Variants in COQ7 observed in about 807,000 individuals in gnomAD.
COQ7 encodes the protein coenzyme Q7, hydroxylase, also known as NADPH-dependent 3-demethoxyubiquinone 3-hydroxylase, mitochondrial.
COQ7 carries 21 observed loss-of-function variants against 25.0 expected under a neutral mutation model. The observed-to-expected ratio is 0.84, with a 90% CI of 0.60 to 1.21. The LOEUF (loss-of-function observed/expected upper bound fraction) is 1.21. Among genes scored for constraint, COQ7 ranks in the 50% most tolerant of loss-of-function variants. The probability of loss-of-function intolerance (pLI) is 0.00; values close to 1 mark genes in which losing one functional copy is unlikely to be tolerated. For synonymous variants in COQ7, 125 were observed against 112.4 expected, an observed-to-expected ratio of 1.11 and a Z score of -0.71; for missense variants, 311 against 296.2, an observed-to-expected ratio of 1.05 and a Z score of -0.37.
intron 3 of COQ7, among the ~76,000 whole-genome samples, chr16:19,074,750 C>T (rs1454815342): frequency 6.6e-6 from 1 of 152,086 alleles, no homozygotes; most frequent in Non-Finnish European, 1.5e-5. Context: ...CGTTATGTTA[C>T]CTAGGCTGGT....
chr16:19,074,929 T>C (rs1468387359), intron 3 of COQ7, among the ~76,000 whole-genome samples: 1 of 152,208 alleles, frequency 6.6e-6, no homozygotes, highest in Non-Finnish European at 1.5e-5. Context: ...AGCCAAATAC[T>C]GTTCCCTGAC....
At chr16:19,071,400 T>C (rs1331399087) in intron 1 of COQ7, among the ~76,000 whole-genome samples, 1 of 152,226 alleles carries the variant, frequency 6.6e-6, no homozygotes, top group East Asian at 1.9e-4. Flanking sequence ...CTTCCCAAAG[T>C]GTTAGGATTA....
intron 1 of COQ7, chr16:19,068,424 G>A: frequency 2.0e-6 from 2 of 984,948 alleles, no homozygotes; most frequent in Non-Finnish European, 1.2e-6. Context: ...GGCCGAGGCT[G>A]GAGGATCCCC....
rs11074359 is a variant in COQ7, at chr16:19,073,976, C to A, written c.308C>A (p.Thr103Lys). The change falls in exon 3 of 6, where the codon ACG (threonine) becomes AAG (lysine). Residue 103 changes from threonine to lysine, a missense_variant. Coordinates refer to ENST00000321998, the MANE Select transcript of COQ7 (RefSeq NM_016138.5). ...HLKKFNELMVTFRVRPTVLMP... is the reference protein window; with the variant it reads ...HLKKFNELMVKFRVRPTVLMP... Reference sequence around the variant, plus strand: ...AAAAAGTTCAATGAGTTGATGGTTACGTTCAGGGTCCGGCCAACAGTTCTG... The same window carrying A: ...AAAAAGTTCAATGAGTTGATGGTTAAGTTCAGGGTCCGGCCAACAGTTCTG... 6.2e-7 allele frequency: 1 copy of A among 1,612,998 alleles called. No homozygotes were observed. Among genetic ancestry groups the A allele is most frequent in the East Asian group, 2.2e-5 (1 of 44,846 alleles).
chr16:19,078,285 T>G lies in COQ7; in HGVS notation c.*127T>G. ...TGAATTTTGTTAATAAATTATAAGG[T>G]TTGTTTTTTTTTTTTTAAACTCTGC... On this transcript the variant is annotated 3_prime_UTR_variant, in exon 6 of 6. Transcript: ENST00000321998. The G allele has an allele frequency of 1.4e-6, 1 of 733,076 alleles. No homozygotes were observed. The highest frequency in any genetic ancestry group is 2.0e-6 in the Non-Finnish European group (1 of 500,804). 45.4% of individuals were successfully genotyped at this position (733,076 alleles called of 1,614,324 possible). A position where few individuals can be genotyped will look rare whatever the true frequency, so the allele number is the denominator to read the frequency against.
chr16:19,072,372 A>G lies in COQ7; in HGVS notation c.252+266A>G, dbSNP rs1293108547. The G allele has an allele frequency of 6.4e-6, 3 of 471,132 alleles. No individual in the cohort carries two copies. In the Admixed American group the frequency reaches 1.1e-4, roughly 17 times the overall value. 29.2% of individuals were successfully genotyped at this position (471,132 alleles called of 1,614,324 possible). ...CATGGCGGGGGCAGGCAGTAATGAAAAAAGGTTAAGAATCGCTCAGCACAG... is the reference window on the plus strand; with the variant it reads ...CATGGCGGGGGCAGGCAGTAATGAAGAAAGGTTAAGAATCGCTCAGCACAG... On this transcript the variant is annotated intron_variant, in intron 2 of 5. Coordinates refer to ENST00000321998, the MANE Select transcript of COQ7 (RefSeq NM_016138.5).
rs1305906275 is a variant in COQ7 at position 19,078,310 on chromosome 16, C to T, written c.*152C>T. ...TTTGTTTTTTTTTTTTTAAACTCTG[C>T]AGTGTTGATTTTTCTCTGGGTTGTT... On this transcript the variant is annotated 3_prime_UTR_variant, in exon 6 of 6. Coordinates refer to ENST00000321998, the MANE Select transcript of COQ7 (RefSeq NM_016138.5). 1.6e-5 allele frequency: 9 copies of T among 556,690 alleles called. No homozygotes were observed. The highest frequency in any genetic ancestry group is 5.0e-4 in the Middle Eastern group (1 of 2,004). The allele number at this position is 556,690 out of a possible 1,614,324, so 34.5% of individuals were successfully genotyped here. A position where few individuals can be genotyped will look rare whatever the true frequency, so the allele number is the denominator to read the frequency against.
intron 1 of COQ7, among the ~76,000 whole-genome samples, chr16:19,070,249 C>G (rs1421142639): frequency 6.6e-6 from 1 of 152,140 alleles, no homozygotes; most frequent in Non-Finnish European, 1.5e-5. Context: ...CAGAGCCACC[C>G]CAAATTTCAC....
chr16:19,073,316 C>CAAAAAAAACA (rs71824812), intron 2 of COQ7, among the ~76,000 whole-genome samples: 10 of 146,912 alleles, frequency 6.8e-5, no homozygotes, highest in African/African-American at 2.0e-4. Context: ...CTCAAAAAAA[C>CAAAAAAAACA]AAAAAAAACC....
At chr16:19,068,865 C>T (rs1299596607) in intron 1 of COQ7, 4 of 447,864 alleles carry the variant, frequency 8.9e-6, no homozygotes, top group Admixed American at 7.4e-5. Context: ...GCCAGTGCCA[C>T]TTGCCACAAA....
chr16:19,072,161 G>T (rs1007642536), intron 2 of COQ7, 55 bp downstream of exon 2: 3 of 1,598,418 alleles, frequency 1.9e-6, no homozygotes, highest in African/African-American at 1.3e-5. Flanking sequence ...AGATCCAAAG[G>T]ACTTCAAGTA....
chr16:19,075,240 T>A (rs1265460274), intron 3 of COQ7, among the ~76,000 whole-genome samples: 3 of 144,550 alleles, frequency 2.1e-5, no homozygotes, highest in African/African-American at 7.7e-5. Context: ...TCTTGTTCTG[T>A]CACCCACGCT....
chr16:19,076,954 A>C (rs979377606), intron 4 of COQ7, among the ~76,000 whole-genome samples: 1 of 152,228 alleles, frequency 6.6e-6, no homozygotes, highest in Non-Finnish European at 1.5e-5. Flanking sequence ...TAGATTGAAT[A>C]AATGAATAGA....
rs1277843460 is a variant in COQ7 at position 19,072,064 on chromosome 16, G to C, written c.210G>C (p.Gln70His). 1.2e-6 allele frequency: 2 copies of C among 1,614,214 alleles called. No individual in the cohort carries two copies. The highest frequency in any genetic ancestry group is 2.2e-5 in the East Asian group (1 of 44,882). Residue 70 changes from glutamine to histidine, a missense_variant, in exon 2 of 6, where the codon CAG becomes CAC. Physicochemically the swap from Gln to His is conservative, Grantham distance 24 (BLOSUM62 0). Transcript: ENST00000321998. Reference protein sequence around the residue: ...EYGANRIYAGQMAVLGRTSVG... With the variant: ...EYGANRIYAGHMAVLGRTSVG... ...GAGCAAACCGCATCTATGCCGGGCA[G>C]ATGGCTGTCCTGGGTCGGACCAGCG...
intron 3 of COQ7, 86 bp downstream of exon 3, chr16:19,074,121 G>T (rs1436995465): frequency 9.8e-7 from 1 of 1,022,688 alleles, no homozygotes; most frequent in Non-Finnish European, 1.5e-6. Flanking sequence ...AATTCTTGCT[G>T]TGTCCTCTTA....
intron 4 of COQ7, 66 bp downstream of exon 4, chr16:19,075,926 A>C: frequency 6.2e-7 from 1 of 1,603,792 alleles, no homozygotes; most frequent in Non-Finnish European, 8.5e-7. Context: ...ATTGGGTAAG[A>C]GGAAAACATG....
intron 4 of COQ7, among the ~76,000 whole-genome samples, chr16:19,076,781 G>T (rs1032866194): frequency 6.6e-6 from 1 of 151,602 alleles, no homozygotes; most frequent in East Asian, 1.9e-4. Context: ...TAGTAGAGAC[G>T]GGGTTTCACC....
chr16:19,081,906 A>G (rs1241312879), downstream of COQ7, among the ~76,000 whole-genome samples: 7 of 152,170 alleles, frequency 4.6e-5, no homozygotes, highest in Admixed American at 4.6e-4. Context: ...GAAACAAGGG[A>G]TGGTTAATAT....
intron 1 of COQ7, among the ~76,000 whole-genome samples, chr16:19,069,921 C>A (rs1385763263): frequency 1.3e-5 from 2 of 151,964 alleles, no homozygotes; most frequent in African/African-American, 2.4e-5. Flanking sequence ...GTAGCTGGGA[C>A]TACAGGCACG....
Sources: allele counts gnomAD v4.1 joint callset (sites outside exome capture counted in the v4.1 genomes callset), GRCh38; gene constraint gnomAD v4.1.1; transcripts MANE v1.5; gene names NCBI Gene and HGNC (gene_info 2026-07-23, HGNC 2026-07-21).